Variants in RGS7 observed in about 807,000 individuals in gnomAD.
RGS7 encodes regulator of G protein signaling 7.
RGS7 carries 27 observed loss-of-function variants against 81.1 expected under a neutral mutation model. The observed-to-expected ratio is 0.33, with a 90% CI of 0.25 to 0.46. The LOEUF (loss-of-function observed/expected upper bound fraction) is 0.46, where lower values mean the gene tolerates loss of function less well. Ranked by LOEUF, RGS7 falls within the 20% of genes least tolerant of loss-of-function variation. The pLI, the probability that RGS7 is intolerant of heterozygous loss-of-function variation, is 1.00. For synonymous variants in RGS7, 208 were observed against 207.7 expected (o/e 1.00, Z -0.01); for missense variants, 396 against 607.4 (o/e 0.65, Z 3.66).
At chr1:241,154,968 T>C (rs1055950093) in intron 2 of RGS7, among the ~76,000 whole-genome samples, 1 of 151,536 alleles carries the variant, frequency 6.6e-6, no homozygotes, top group African/African-American at 2.4e-5. Flanking sequence ...AAAAAGAAAA[T>C]CAAAATAAAA....
At chr1:240,862,026 T>C (rs1662296669) in intron 9 of RGS7, among the ~76,000 whole-genome samples, 1 of 152,190 alleles carries the variant, frequency 6.6e-6, no homozygotes, top group Non-Finnish European at 1.5e-5. Context: ...CCAAATACTA[T>C]ATTATCTTTG....
At chr1:241,068,589 C>A (rs1171061671) in intron 3 of RGS7, among the ~76,000 whole-genome samples, 1 of 152,034 alleles carries the variant, frequency 6.6e-6, no homozygotes, top group Non-Finnish European at 1.5e-5. Context: ...AGTGGAGGAG[C>A]TGAGCTTGAT....
At chr1:241,176,551 G>A (rs11578627) in intron 2 of RGS7, among the ~76,000 whole-genome samples, 63,398 of 151,730 alleles carry the variant, frequency 0.42, 13,640 homozygotes, top group Middle Eastern at 0.47. Flanking sequence ...TCCTAAACCC[G>A]GAAACAATAA....
At chr1:241,150,206 C>T (rs1171186047) in intron 2 of RGS7, among the ~76,000 whole-genome samples, 1 of 152,220 alleles carries the variant, frequency 6.6e-6, no homozygotes, top group East Asian at 1.9e-4. Flanking sequence ...ATGGTTGTGA[C>T]TTATTTGAGA....
intron 2 of RGS7, among the ~76,000 whole-genome samples, chr1:241,206,607 G>A (rs1420374277): frequency 6.6e-6 from 1 of 152,110 alleles, no homozygotes; most frequent in Non-Finnish European, 1.5e-5. Flanking sequence ...TGAGAAGATG[G>A]AACTGCCATC....
chr1:241,076,025 A>G (rs1197444059), intron 3 of RGS7, among the ~76,000 whole-genome samples: 2 of 152,012 alleles, frequency 1.3e-5, no homozygotes, highest in African/African-American at 4.8e-5. Flanking sequence ...GAAATTGGCA[A>G]TTTTCAGGTT....
rs1558271154 is a variant in RGS7, at chr1:240,800,837, A to G, written c.1414-116T>C. 1.9e-4 allele frequency: 91 copies of G among 488,522 alleles called. No individual in the cohort carries two copies. In the East Asian group the frequency reaches 3.3e-3, roughly 18 times the overall value. The allele number at this position is 488,522 out of a possible 1,614,324, so 30.3% of individuals were successfully genotyped here. A position where few individuals can be genotyped will look rare whatever the true frequency, so the allele number is the denominator to read the frequency against. On this transcript the variant is annotated intron_variant, in intron 17 of 18. Coordinates refer to ENST00000440928, the MANE Select transcript of RGS7 (RefSeq NM_001364886.1). Reference sequence around the variant, plus strand: ...CTTACAAACAAATATATATCATCAAAACACATGGCAAGATACTAAGAAAAC... The same window carrying G: ...CTTACAAACAAATATATATCATCAAGACACATGGCAAGATACTAAGAAAAC...
chr1:241,061,432 C>T (rs1188045776), intron 3 of RGS7, among the ~76,000 whole-genome samples: 2 of 152,128 alleles, frequency 1.3e-5, no homozygotes, highest in Non-Finnish European at 1.5e-5. Flanking sequence ...AAGCAATCAC[C>T]AATGGACAAG....
At chr1:240,825,704 G>A (rs1692679410) in intron 10 of RGS7, among the ~76,000 whole-genome samples, 1 of 152,110 alleles carries the variant, frequency 6.6e-6, no homozygotes, top group Non-Finnish European at 1.5e-5. Context: ...CATTAAATGA[G>A]GGCTGATGGT....
At chr1:240,785,739 A>G (rs894938060) in intron 18 of RGS7, among the ~76,000 whole-genome samples, 1 of 152,186 alleles carries the variant, frequency 6.6e-6, no homozygotes, top group Non-Finnish European at 1.5e-5. Context: ...GAATATTTTC[A>G]AGTAGGCAGG....
intron 4 of RGS7, among the ~76,000 whole-genome samples, chr1:240,977,668 A>G (rs1684336196): frequency 6.6e-6 from 1 of 152,258 alleles, no homozygotes; most frequent in African/African-American, 2.4e-5. Flanking sequence ...GCACCACAGT[A>G]CTAAGTAGAG....
At chr1:240,936,896 T>C (rs1676725080) in intron 4 of RGS7, among the ~76,000 whole-genome samples, 190 bp from the exon 5 acceptor site, 1 of 152,214 alleles carries the variant, frequency 6.6e-6, no homozygotes, top group Non-Finnish European at 1.5e-5. Context: ...CTACCTGCTC[T>C]GTAAACAACT....
intron 2 of RGS7, among the ~76,000 whole-genome samples, chr1:241,321,189 T>C (rs2081188824): frequency 6.6e-6 from 1 of 152,222 alleles, no homozygotes; most frequent in South Asian, 2.1e-4. Flanking sequence ...TCTTCTTAAA[T>C]TGTATCATGA....
At chr1:241,106,739 A>C (rs1285361894) in intron 2 of RGS7, among the ~76,000 whole-genome samples, 2 of 81,496 alleles carry the variant, frequency 2.5e-5, no homozygotes, top group Non-Finnish European at 4.6e-5. Flanking sequence ...AAAAAAAAAA[A>C]CCAACACCAC....
intron 2 of RGS7, among the ~76,000 whole-genome samples, chr1:241,335,695 A>G (rs2082206138): frequency 6.9e-6 from 1 of 143,900 alleles, no homozygotes; most frequent in African/African-American, 3.0e-5. Flanking sequence ...TAAAACACAC[A>G]CACACACACA....
intron 2 of RGS7, among the ~76,000 whole-genome samples, chr1:241,186,301 A>G (rs2072094936): frequency 6.6e-6 from 1 of 152,104 alleles, no homozygotes; most frequent in Non-Finnish European, 1.5e-5. Context: ...TCTGAAAACA[A>G]TCCAAATATC....
At chr1:241,011,642 C>T (rs1258500182) in intron 3 of RGS7, among the ~76,000 whole-genome samples, 1 of 152,216 alleles carries the variant, frequency 6.6e-6, no homozygotes, top group Non-Finnish European at 1.5e-5. Context: ...TATTCCTAGC[C>T]TCTAGGTGCT....
Position 240,814,743 on chromosome 1 carries a change from C to T in RGS7, c.818G>A (p.Arg273Gln), listed in dbSNP as rs745956675. 1.9e-6 allele frequency: 3 copies of T among 1,602,240 alleles called. No individual in the cohort carries two copies. The highest frequency in any genetic ancestry group is 1.1e-5 in the South Asian group (1 of 90,842). The change falls in exon 12 of 19, where the codon CGG becomes CAG. Residue 273 changes from arginine to glutamine, a missense_variant. Transcript: ENST00000440928. ...KYWQIQLDRH[R>Q]LKMSKVADSL... The stretch of plus-strand genomic sequence containing the variant: ...GTCAGCGACTTTTGACATTTTTAAC[C>T]GATGTCTATCTAACTGTATTTGCCA...
chr1:241,350,525 G>A (rs1193082212), intron 2 of RGS7, among the ~76,000 whole-genome samples: 1 of 151,990 alleles, frequency 6.6e-6, no homozygotes, highest in African/African-American at 2.4e-5. Flanking sequence ...CTTTTCTAGT[G>A]CGTCTTTGTC....
Sources: gnomAD v4.1 joint callset for allele counts (sites outside exome capture counted in the v4.1 genomes callset) on GRCh38, gnomAD v4.1.1 for gene constraint, MANE v1.5 for transcripts, NCBI Gene and HGNC (gene_info 2026-07-23, HGNC 2026-07-21) for gene names.